Variants in CALN1 observed in about 807,000 individuals in gnomAD.
CALN1 encodes the protein calcium-binding protein 8.
In CALN1, 17 loss-of-function variants were observed where a neutral mutation model predicts 30.6. The observed-to-expected ratio is 0.56, with a 90% CI of 0.38 to 0.83. CALN1 has a LOEUF of 0.83. Ranked by LOEUF, CALN1 falls within the 40% of genes least tolerant of loss-of-function variation. The pLI, the probability that CALN1 is intolerant of heterozygous loss-of-function variation, is 0.00. For synonymous variants in CALN1, 156 were observed against 131.4 expected (o/e 1.19, Z -1.28); for missense variants, 291 against 354.9 (o/e 0.82, Z 1.45).
intron 3 of CALN1, among the ~76,000 whole-genome samples, chr7:72,197,659 G>A (rs781053553): frequency 6.6e-5 from 10 of 152,028 alleles, no homozygotes; most frequent in South Asian, 4.2e-4. Flanking sequence ...GTGAGTTCTT[G>A]TCCCTACAAA....
chr7:72,042,075 C>G (rs975850608), intron 4 of CALN1, among the ~76,000 whole-genome samples: 1 of 152,092 alleles, frequency 6.6e-6, no homozygotes, highest in African/African-American at 2.4e-5. Context: ...GACAGCAGCA[C>G]CAGAATTTTT....
chr7:72,358,892 A>C (rs1007817986), intron 2 of CALN1, among the ~76,000 whole-genome samples: 6 of 151,532 alleles, frequency 4.0e-5, no homozygotes, highest in African/African-American at 1.5e-4. Flanking sequence ...CAGGAGGCGG[A>C]GGTTGCAGTG....
At chr7:72,472,170 A>G in the CALN1 span, among the ~76,000 whole-genome samples, 2 of 152,180 alleles carry the variant, frequency 1.3e-5, no homozygotes, top group African/African-American at 2.4e-5. Context: ...GAAGGCAGGA[A>G]CATGGATATT....
rs146440877 is a variant in CALN1 at position 72,250,668 on chromosome 7, T to C, written c.244+28018A>G. On this transcript the variant is annotated intron_variant, in intron 3 of 6. Coordinates refer to ENST00000395275, the MANE Select transcript of CALN1 (RefSeq NM_031468.4). The stretch of plus-strand genomic sequence containing the variant: ...AGTAATGAGTGAGTTCTTGCTCTAT[T>C]AGTTCATGTGGGAGCTGGTTGTTTA... Among the ~76,000 whole-genome samples, 1,117 of 152,136 alleles carry C rather than the reference T, an allele frequency of 7.3e-3. 15 individuals are homozygous for C. Among genetic ancestry groups the C allele is most frequent in the African/African-American group, 0.024 (1,011 of 41,502 alleles).
At chr7:72,216,528 G>C (rs944692008) in intron 3 of CALN1, among the ~76,000 whole-genome samples, 2 of 152,132 alleles carry the variant, frequency 1.3e-5, no homozygotes, top group Admixed American at 1.3e-4. Flanking sequence ...CATCCCAAGC[G>C]TAAGGTACCC....
intron 2 of CALN1, among the ~76,000 whole-genome samples, chr7:72,308,881 A>G (rs1335091429): frequency 1.3e-5 from 2 of 152,230 alleles, no homozygotes; most frequent in African/African-American, 4.8e-5. Context: ...GTATGCAAGT[A>G]CCAAAGGAAA....
At chr7:72,401,285 T>G (rs1806323973) in intron 2 of CALN1, among the ~76,000 whole-genome samples, 1 of 151,432 alleles carries the variant, frequency 6.6e-6, no homozygotes, top group African/African-American at 2.5e-5. Flanking sequence ...AACACGTTCC[T>G]GATGGGCTGT....
chr7:72,113,229 G>C (rs1271681199), intron 3 of CALN1, among the ~76,000 whole-genome samples: 1 of 152,146 alleles, frequency 6.6e-6, no homozygotes, highest in Non-Finnish European at 1.5e-5. Flanking sequence ...AGGAGGAGGG[G>C]TTGCATGAGT....
intron 2 of CALN1, among the ~76,000 whole-genome samples, chr7:72,391,704 GT>G (rs553279236): frequency 2.0e-5 from 3 of 152,144 alleles, no homozygotes; most frequent in South Asian, 2.1e-4. Flanking sequence ...CCCTGCACAA[GT>G]TTTTTTGTTT....
At chr7:71,872,292 G>C (rs529414827) in intron 5 of CALN1, among the ~76,000 whole-genome samples, 1 of 152,312 alleles carries the variant, frequency 6.6e-6, no homozygotes, top group East Asian at 1.9e-4. Flanking sequence ...CAGTAAGTGA[G>C]TCAATGCCCT....
chr7:72,488,718 C>G, the CALN1 span, among the ~76,000 whole-genome samples: 1 of 152,180 alleles, frequency 6.6e-6, no homozygotes, highest in African/African-American at 2.4e-5. Flanking sequence ...GGATCTCACT[C>G]TGTTGCCCAG....
intron 3 of CALN1, among the ~76,000 whole-genome samples, chr7:72,146,137 G>A (rs1786697591): frequency 6.6e-6 from 1 of 152,210 alleles, no homozygotes; most frequent in African/African-American, 2.4e-5. Context: ...TCAGGCAGGA[G>A]AAAGAAATAA....
chr7:72,273,283 G>T (rs1450141378), intron 3 of CALN1, among the ~76,000 whole-genome samples: 1 of 151,786 alleles, frequency 6.6e-6, no homozygotes, highest in Admixed American at 6.6e-5. Flanking sequence ...TTCGCCAGGC[G>T]TGGTGGTGCA....
intron 3 of CALN1, among the ~76,000 whole-genome samples, chr7:72,266,709 G>T (rs180908609): frequency 3.0e-3 from 461 of 152,192 alleles, no homozygotes; most frequent in Non-Finnish European, 4.9e-3. Context: ...TAGGTACTCG[G>T]GTTTCTTTCT....
At chr7:72,068,947 G>A (rs1348488257) in intron 4 of CALN1, among the ~76,000 whole-genome samples, 1 of 152,128 alleles carries the variant, frequency 6.6e-6, no homozygotes, top group Non-Finnish European at 1.5e-5. Context: ...GATTGAGGAC[G>A]GTGGAAAAAC....
At chr7:72,112,843 G>A (rs1807674133) in intron 3 of CALN1, among the ~76,000 whole-genome samples, 1 of 152,180 alleles carries the variant, frequency 6.6e-6, no homozygotes, top group African/African-American at 2.4e-5. Flanking sequence ...AATGACAAGT[G>A]CTATAATACA....
intron 3 of CALN1, among the ~76,000 whole-genome samples, chr7:72,278,103 G>A (rs572043): frequency 0.011 from 1,683 of 150,434 alleles, 29 homozygotes; most frequent in African/African-American, 0.038. Context: ...TAGTCATCAC[G>A]TTCCCAGGTT....
At chr7:71,935,117 T>C (rs1438207092) in intron 5 of CALN1, among the ~76,000 whole-genome samples, 1 of 152,118 alleles carries the variant, frequency 6.6e-6, no homozygotes, top group Admixed American at 6.6e-5. Context: ...ATATCCAAAC[T>C]GTAGCACTGG....
intron 5 of CALN1, among the ~76,000 whole-genome samples, chr7:71,917,456 T>C (rs1317880002): frequency 1.3e-5 from 2 of 152,230 alleles, no homozygotes; most frequent in Non-Finnish European, 2.9e-5. Flanking sequence ...TAACTATAAA[T>C]GGTGATGAAT....
Sources: allele counts gnomAD v4.1 joint callset (sites outside exome capture counted in the v4.1 genomes callset), GRCh38; gene constraint gnomAD v4.1.1; transcripts MANE v1.5; gene names NCBI Gene and HGNC (gene_info 2026-07-23, HGNC 2026-07-21).